Variants in SLC25A21 observed in about 807,000 individuals in gnomAD.
The protein encoded by SLC25A21 is solute carrier family 25 member 21.
In SLC25A21, 47 loss-of-function variants were observed where a neutral mutation model predicts 43.8. The ratio of observed to expected loss-of-function variants is 1.07; its 90% CI spans 0.85 to 1.37. The LOEUF is 1.37. Ranked by LOEUF, SLC25A21 falls within the 40% of genes most tolerant of loss-of-function variation. The pLI, the probability that SLC25A21 is intolerant of heterozygous loss-of-function variation, is 0.00. For missense variants in SLC25A21, 352 were observed against 350.2 expected, an observed-to-expected ratio of 1.00 and a Z score of -0.04; for synonymous variants, 131 against 121.3, an observed-to-expected ratio of 1.08 and a Z score of -0.52.
At chr14:37,166,874 ATC>A (rs748502849) in intron 1 of SLC25A21, among the ~76,000 whole-genome samples, 11 of 152,246 alleles carry the variant, frequency 7.2e-5, no homozygotes, top group Non-Finnish European at 1.3e-4. Context: ...TTGGCACAAT[ATC>A]TCACCAGTTA....
intron 2 of SLC25A21, among the ~76,000 whole-genome samples, chr14:36,827,030 C>T (rs969596391): frequency 8.5e-5 from 13 of 152,314 alleles, no homozygotes; most frequent in South Asian, 2.1e-4. Context: ...ACACAGCTGA[C>T]GCCAGCCTGA....
intron 1 of SLC25A21, among the ~76,000 whole-genome samples, chr14:36,924,254 T>C (rs1485979849): frequency 1.3e-5 from 2 of 152,132 alleles, no homozygotes; most frequent in Non-Finnish European, 2.9e-5. Flanking sequence ...CTATTCACAA[T>C]AGCAAAGACT....
intron 1 of SLC25A21, among the ~76,000 whole-genome samples, chr14:37,045,148 T>C (rs1166346119): frequency 6.6e-6 from 1 of 152,198 alleles, no homozygotes; most frequent in East Asian, 1.9e-4. Flanking sequence ...GAAAGTTACA[T>C]GATTCTAAAA....
chr14:37,051,040 G>A (rs1261394817), intron 1 of SLC25A21, among the ~76,000 whole-genome samples: 1 of 151,982 alleles, frequency 6.6e-6, no homozygotes, highest in African/African-American at 2.4e-5. Context: ...TTTTCCATTG[G>A]CCTTAGTGCT....
intron 1 of SLC25A21, among the ~76,000 whole-genome samples, chr14:37,154,296 C>T (rs7157361): frequency 0.39 from 59,969 of 151,978 alleles, 12,732 homozygotes; most frequent in African/African-American, 0.56. Context: ...ACAAAGACTA[C>T]ACTGCTGCAT....
intron 1 of SLC25A21, among the ~76,000 whole-genome samples, chr14:36,942,535 T>C (rs1273855476): frequency 1.3e-5 from 2 of 152,214 alleles, no homozygotes; most frequent in African/African-American, 2.4e-5. Context: ...ATGAAAAGTA[T>C]CTGGAGTAAT....
chr14:36,958,687 A>G (rs1357208984), intron 1 of SLC25A21, among the ~76,000 whole-genome samples: 10 of 55,966 alleles, frequency 1.8e-4, no homozygotes, highest in South Asian at 2.9e-4. Context: ...GTGCACACAC[A>G]CACACACACA....
chr14:36,909,762 A>C (rs114320908), intron 1 of SLC25A21, among the ~76,000 whole-genome samples: 1,698 of 152,356 alleles, frequency 0.011, 30 homozygotes, highest in African/African-American at 0.038. Flanking sequence ...CTGCCAGTGC[A>C]TCTCTGTCCT....
chr14:36,798,524 A>C (rs1887750400), intron 3 of SLC25A21, among the ~76,000 whole-genome samples: 1 of 151,198 alleles, frequency 6.6e-6, no homozygotes, highest in Non-Finnish European at 1.5e-5. Context: ...GTTTTATTGC[A>C]GAATTAAGTG....
intron 2 of SLC25A21, among the ~76,000 whole-genome samples, chr14:36,868,570 T>C (rs1294048159): frequency 6.6e-6 from 1 of 152,198 alleles, no homozygotes; most frequent in Non-Finnish European, 1.5e-5. Context: ...AAAATATGTA[T>C]CAATGATAAT....
chr14:36,889,214 T>C (rs1891010655), intron 1 of SLC25A21, among the ~76,000 whole-genome samples: 1 of 152,166 alleles, frequency 6.6e-6, no homozygotes, highest in Non-Finnish European at 1.5e-5. Context: ...TTTCACAGAT[T>C]CCTTTTATAG....
intron 3 of SLC25A21, among the ~76,000 whole-genome samples, chr14:36,783,409 T>C (rs1258453372): frequency 2.0e-5 from 3 of 152,126 alleles, no homozygotes; most frequent in African/African-American, 7.2e-5. Flanking sequence ...TTGTTGAGTT[T>C]TGAGCCCTGA....
intron 3 of SLC25A21, chr14:36,808,778 C>G (rs777617431): frequency 6.6e-6 from 1 of 152,158 alleles, no homozygotes; most frequent in African/African-American, 2.4e-5. Context: ...TCATGGTACA[C>G]TGAAGAAAAT....
intron 6 of SLC25A21, among the ~76,000 whole-genome samples, chr14:36,714,088 G>A (rs1319728643): frequency 6.6e-6 from 1 of 152,208 alleles, no homozygotes; most frequent in Non-Finnish European, 1.5e-5. Context: ...TTAGTCCACT[G>A]TAAACAACTT....
In SLC25A21 at chr14:36,699,766, G is replaced by T. The variant is rs116730114; in HGVS notation, c.603+11552C>A. ...GGGACCCACCGAGCCAGGAATGGGG[G>T]AGAATCACCTTGTCTGCAGGTTGCT... On this transcript the variant is annotated intron_variant, in intron 7 of 9. Transcript: ENST00000331299. 2.6e-3 allele frequency among the ~76,000 whole-genome samples: 389 copies of T among 152,344 alleles called. 4 individuals are homozygous for T. The highest frequency in any genetic ancestry group is 9.0e-3 in the African/African-American group (376 of 41,578).
chr14:36,827,137 T>A (rs537651388), intron 2 of SLC25A21, among the ~76,000 whole-genome samples: 11 of 152,362 alleles, frequency 7.2e-5, no homozygotes, highest in Non-Finnish European at 1.2e-4. Context: ...TTTATGTTTG[T>A]TTCTCACTTC....
intron 1 of SLC25A21, among the ~76,000 whole-genome samples, chr14:36,933,794 T>G (rs1892351190): frequency 6.6e-6 from 1 of 152,166 alleles, no homozygotes; most frequent in African/African-American, 2.4e-5. Flanking sequence ...TCTTTCTCTT[T>G]CTGGTTCTGC....
At chr14:37,059,338 G>A (rs938506849) in intron 1 of SLC25A21, among the ~76,000 whole-genome samples, 3 of 152,158 alleles carry the variant, frequency 2.0e-5, no homozygotes, top group Non-Finnish European at 4.4e-5. Flanking sequence ...TCAGTAGACA[G>A]TGGCAGAGCG....
At chr14:36,878,492 C>T (rs947414093) in intron 1 of SLC25A21, among the ~76,000 whole-genome samples, 1 of 152,114 alleles carries the variant, frequency 6.6e-6, no homozygotes. Context: ...CTGTCCTCCA[C>T]AGACAGCTAA....
Sources: allele counts gnomAD v4.1 joint callset (sites outside exome capture counted in the v4.1 genomes callset), GRCh38; gene constraint gnomAD v4.1.1; transcripts MANE v1.5; gene names NCBI Gene and HGNC (gene_info 2026-07-23, HGNC 2026-07-21).